Variants in AUTS2 observed in about 807,000 individuals in gnomAD.
The protein encoded by AUTS2 is activator of transcription and developmental regulator AUTS2.
AUTS2 carries 17 observed loss-of-function variants against 112.4 expected under a neutral mutation model. That is an observed-to-expected ratio of 0.15 (90% CI 0.10 to 0.23). The LOEUF (loss-of-function observed/expected upper bound fraction) is 0.23. Ranked by LOEUF, AUTS2 falls within the 10% of genes least tolerant of loss-of-function variation. The pLI is 1.00. For missense variants in AUTS2, 1,510 were observed against 1,701.6 expected, an observed-to-expected ratio of 0.89 and a Z score of 1.98; for synonymous variants, 751 against 702.7, an observed-to-expected ratio of 1.07 and a Z score of -1.09.
rs144589932 is a variant in AUTS2 at position 70,124,497 on chromosome 7, C to T, written c.624+6264C>T. On this transcript the variant is annotated intron_variant, in intron 3 of 18. Transcript: ENST00000342771. Reference sequence around the variant, plus strand: ...GGTTTTTATAGTTCTGGGTTTTACACTTGTCTTTAATCCATCTTGAGTTGG... The same window carrying T: ...GGTTTTTATAGTTCTGGGTTTTACATTTGTCTTTAATCCATCTTGAGTTGG... Among the ~76,000 whole-genome samples the T allele has an allele frequency of 3.6e-3, 540 of 151,846 alleles. 3 individuals are homozygous for T. The highest frequency in any genetic ancestry group is 7.0e-3 in the Admixed American group (106 of 15,240).
intron 1 of AUTS2, among the ~76,000 whole-genome samples, chr7:69,839,863 G>A (rs1398461759): frequency 6.6e-6 from 1 of 152,104 alleles, no homozygotes; most frequent in Non-Finnish European, 1.5e-5. Context: ...AGAGGTCCAG[G>A]AGCTTGGTGG....
At chr7:70,308,549 G>T (rs1021295096) in intron 4 of AUTS2, among the ~76,000 whole-genome samples, 23 of 152,154 alleles carry the variant, frequency 1.5e-4, no homozygotes, top group Non-Finnish European at 1.5e-4. Context: ...ATTGAGCTGT[G>T]ATTATAAAAA....
intron 2 of AUTS2, among the ~76,000 whole-genome samples, chr7:70,046,108 A>G (rs1323438063): frequency 6.6e-6 from 1 of 152,198 alleles, no homozygotes. Context: ...TATTGCCTCA[A>G]GATTTATGAG....
At chr7:69,984,951 A>G (rs951023436) in intron 2 of AUTS2, among the ~76,000 whole-genome samples, 1 of 152,228 alleles carries the variant, frequency 6.6e-6, no homozygotes, top group Non-Finnish European at 1.5e-5. Context: ...AGTTAGTGAC[A>G]TGAAGTTTTG....
intron 1 of AUTS2, among the ~76,000 whole-genome samples, chr7:69,718,125 C>G (rs1456697057): frequency 1.3e-5 from 2 of 152,096 alleles, no homozygotes; most frequent in African/African-American, 4.8e-5. Flanking sequence ...CTTACTTTTC[C>G]TATAATACAA....
chr7:69,646,181 C>T (rs1215936477), intron 1 of AUTS2, among the ~76,000 whole-genome samples: 1 of 151,942 alleles, frequency 6.6e-6, no homozygotes, highest in Non-Finnish European at 1.5e-5. Context: ...TGACTGCTAC[C>T]TGCAGTTTCC....
At chr7:70,585,977 C>T (rs1802670334) in intron 5 of AUTS2, among the ~76,000 whole-genome samples, 1 of 152,048 alleles carries the variant, frequency 6.6e-6, no homozygotes, top group South Asian at 2.1e-4. Context: ...ATTCTCCTGC[C>T]TCAGCCCCCT....
chr7:70,524,774 A>G (rs913812899), intron 5 of AUTS2, among the ~76,000 whole-genome samples: 1 of 152,240 alleles, frequency 6.6e-6, no homozygotes, highest in African/African-American at 2.4e-5. Flanking sequence ...TCTCAAATAA[A>G]TGATTGATTA....
chr7:70,479,648 A>G (rs1362314564), intron 5 of AUTS2, among the ~76,000 whole-genome samples: 1 of 149,360 alleles, frequency 6.7e-6, no homozygotes, highest in Non-Finnish European at 1.5e-5. Context: ...AAAAAAAAAA[A>G]TGATGCCAAA....
intron 4 of AUTS2, among the ~76,000 whole-genome samples, chr7:70,176,849 A>G (rs1456332425): frequency 6.6e-6 from 1 of 152,226 alleles, no homozygotes; most frequent in Non-Finnish European, 1.5e-5. Flanking sequence ...CAAGCAGCAG[A>G]TAACGGAATT....
chr7:69,820,417 A>G (rs1191287757), intron 1 of AUTS2, among the ~76,000 whole-genome samples: 2 of 152,246 alleles, frequency 1.3e-5, no homozygotes, highest in Non-Finnish European at 2.9e-5. Flanking sequence ...ATTTTGGGGC[A>G]TCGCCCAGAC....
chr7:70,143,750 T>G (rs1397765025), intron 4 of AUTS2, among the ~76,000 whole-genome samples: 3 of 152,156 alleles, frequency 2.0e-5, no homozygotes, highest in Non-Finnish European at 4.4e-5. Context: ...GTGATGACTG[T>G]CTATTAGGGC....
intron 1 of AUTS2, among the ~76,000 whole-genome samples, chr7:69,809,494 C>CT (rs1474577841): frequency 2.6e-5 from 4 of 152,202 alleles, no homozygotes; most frequent in African/African-American, 9.7e-5. Flanking sequence ...TTATGGAAAT[C>CT]TATACTTCTC....
intron 5 of AUTS2, among the ~76,000 whole-genome samples, chr7:70,659,272 G>T (rs992734411): frequency 6.6e-6 from 1 of 152,216 alleles, no homozygotes; most frequent in African/African-American, 2.4e-5. Context: ...CCTGAACTGC[G>T]CGTTGGAATC....
At position 70,763,226 on chromosome 7, in the gene AUTS2, C is replaced by T. The variant is rs750522784; in HGVS notation, c.1099C>T (p.Pro367Ser). 11 of 1,613,960 alleles carry T rather than the reference C, an allele frequency of 6.8e-6. No homozygotes were observed. Among genetic ancestry groups the T allele is most frequent in the Non-Finnish European group, 9.3e-6 (11 of 1,179,984 alleles). ...GCAGAGGCCACCCAGGCCACAGTCCCCCACCCAGCTGCTCCATCAGAACCT... is the reference window on the plus strand; with the variant it reads ...GCAGAGGCCACCCAGGCCACAGTCCTCCACCCAGCTGCTCCATCAGAACCT... ...QVQRPPRPQS[P>S]TQLLHQNLPP... Residue 367 changes from proline to serine, a missense_variant, in exon 7 of 19, where the codon CCC becomes TCC. By Grantham distance (74) the Pro-to-Ser change is moderately conservative. This residue lies in a region of AUTS2 where 535 missense variants were observed against 594.3 expected (regional missense o/e 0.90). Transcript: ENST00000342771.
chr7:70,359,114 A>G (rs1792141092), intron 4 of AUTS2, among the ~76,000 whole-genome samples: 1 of 152,262 alleles, frequency 6.6e-6, no homozygotes, highest in African/African-American at 2.4e-5. Flanking sequence ...GCAAGGGAAA[A>G]TTGCAGCTGA....
chr7:70,387,473 A>G (rs143878466), intron 4 of AUTS2, among the ~76,000 whole-genome samples: 5 of 151,948 alleles, frequency 3.3e-5, no homozygotes, highest in Admixed American at 6.6e-5. Flanking sequence ...TTATCTGTCT[A>G]TTTTCTCCCT....
At chr7:70,341,669 CCTCATGTGAAACCAATCTAATGCT>C (rs1791269975) in intron 4 of AUTS2, among the ~76,000 whole-genome samples, 1 of 152,208 alleles carries the variant, frequency 6.6e-6, no homozygotes, top group Admixed American at 6.5e-5. Flanking sequence ...AGTCTAATCA[CCTCATGTGAAACCAATCTAATGCT>C]CAGAAAAGAA....
intron 4 of AUTS2, among the ~76,000 whole-genome samples, chr7:70,374,000 TTATATAACC>T (rs1792969262): frequency 6.6e-6 from 1 of 152,182 alleles, no homozygotes; most frequent in Non-Finnish European, 1.5e-5. Context: ...TAACTATACT[TTATATAACC>T]TATCTCCTGC....
Sources: gnomAD v4.1 joint callset for allele counts (sites outside exome capture counted in the v4.1 genomes callset) on GRCh38, gnomAD v4.1.1 for gene constraint, gnomAD v4.1.1 regional missense constraint, MANE v1.5 for transcripts, NCBI Gene and HGNC (gene_info 2026-07-23, HGNC 2026-07-21) for gene names.